The following FGF14 variants were observed in gnomAD, a reference collection of about 807,000 sequenced individuals.
FGF14 encodes fibroblast growth factor homologous factor 4.
Under a neutral mutation model 25.5 loss-of-function variants are expected in FGF14, and 5 were observed. That is an observed-to-expected ratio of 0.20 (90% CI 0.10 to 0.41). The LOEUF is 0.41. FGF14 is among the 10% of genes least tolerant of loss of function. FGF14 has a pLI of 1.00. For missense variants in FGF14, 222 were observed against 320.1 expected, an observed-to-expected ratio of 0.69 and a Z score of 2.34; for synonymous variants, 138 against 118.3, an observed-to-expected ratio of 1.17 and a Z score of -1.08.
rs36108366 is a variant in FGF14, at chr13:102,205,984, T to TAAAAA, written c.208+195482_208+195486dup. Among the ~76,000 whole-genome samples, 29 of 47,462 alleles carry TAAAAA rather than the reference T, an allele frequency of 6.1e-4. 4 individuals carry two copies. The highest frequency in any genetic ancestry group is 8.3e-4 in the Non-Finnish European group (21 of 25,216). 31.1% of individuals were successfully genotyped at this position (47,462 alleles called of 152,430 possible). A position where few individuals can be genotyped will look rare whatever the true frequency, so the allele number is the denominator to read the frequency against. On this transcript the variant is annotated intron_variant, in intron 1 of 4. Transcript: ENST00000376131. ...AGGTAGCTCAAGAAGCTCCCTGTGGTAAAAAAAAAAAAAAAAAAAAAAAAA... is the reference window on the plus strand; with the variant it reads ...AGGTAGCTCAAGAAGCTCCCTGTGGTAAAAAAAAAAAAAAAAAAAAAAAAAAAAAA...
chr13:101,842,441 C>T lies in FGF14; in HGVS notation c.408+26284G>A, dbSNP rs373344545. Among the ~76,000 whole-genome samples, 5 of 152,088 alleles carry T rather than the reference C, an allele frequency of 3.3e-5. No homozygotes were observed. The East Asian group carries it at 5.8e-4, about 18-fold the overall frequency. On this transcript the variant is annotated intron_variant, in intron 3 of 4. Transcript: ENST00000376143. ...ATAAAGATCCTCTTCAACACAGAAG[C>T]CCACAAGGGCAGGAGTGCTTATGGC... is the stretch of plus-strand genomic sequence containing the variant.
chr13:101,753,556 G>A (rs948954572), intron 3 of FGF14, among the ~76,000 whole-genome samples: 3 of 152,118 alleles, frequency 2.0e-5, no homozygotes, highest in African/African-American at 7.2e-5. Flanking sequence ...TGTAATCCCA[G>A]CACTTTGGGA....
chr13:102,230,732 T>A (rs2051045727), intron 1 of FGF14, among the ~76,000 whole-genome samples: 1 of 152,214 alleles, frequency 6.6e-6, no homozygotes, highest in African/African-American at 2.4e-5. Flanking sequence ...CCATCTCAGT[T>A]ATAAGATCGA....
chr13:102,044,007 C>T (rs570245052), intron 1 of FGF14, among the ~76,000 whole-genome samples: 1 of 152,328 alleles, frequency 6.6e-6, no homozygotes, highest in Non-Finnish European at 1.5e-5. Context: ...ATGAGTGGAA[C>T]TGCATAGAAA....
chr13:101,759,483 G>C (rs2037871500), intron 3 of FGF14, among the ~76,000 whole-genome samples: 1 of 152,106 alleles, frequency 6.6e-6, no homozygotes, highest in Non-Finnish European at 1.5e-5. Context: ...TCCCATAGTA[G>C]CTTGGTTGCC....
chr13:102,175,306 T>G (rs973678382), intron 1 of FGF14, among the ~76,000 whole-genome samples: 1 of 152,136 alleles, frequency 6.6e-6, no homozygotes, highest in Non-Finnish European at 1.5e-5. Flanking sequence ...TACAGCCAAC[T>G]GATCTTTGGA....
At position 102,344,563 on chromosome 13, in the gene FGF14, G is replaced by A. The variant is rs565604264; in HGVS notation, c.208+56908C>T. Among the ~76,000 whole-genome samples, 59 of 152,328 alleles carry A rather than the reference G, an allele frequency of 3.9e-4. No homozygotes were observed. The South Asian group carries it at 0.012, about 30-fold the overall frequency. On this transcript the variant is annotated intron_variant, in intron 1 of 4. Coordinates refer to the FGF14 transcript ENST00000376131. The stretch of plus-strand genomic sequence containing the variant: ...TGATTGAGATTTGCTCTCATATCCT[G>A]TTTGATATAAGACAACCTGTCAGTT...
chr13:101,742,291 C>G (rs2036605526), intron 3 of FGF14, among the ~76,000 whole-genome samples: 1 of 152,094 alleles, frequency 6.6e-6, no homozygotes, highest in African/African-American at 2.4e-5. Flanking sequence ...ATGTAACAAA[C>G]CTGCACGTTC....
At chr13:102,321,024 A>G (rs1378086306) in intron 1 of FGF14, among the ~76,000 whole-genome samples, 1 of 152,202 alleles carries the variant, frequency 6.6e-6, no homozygotes, top group Non-Finnish European at 1.5e-5. Context: ...CATACGTAGA[A>G]AAGTTTTGGC....
intron 1 of FGF14, among the ~76,000 whole-genome samples, chr13:102,194,054 G>C (rs2049238570): frequency 6.6e-6 from 1 of 151,898 alleles, no homozygotes; most frequent in Non-Finnish European, 1.5e-5. Context: ...AAAAACATGA[G>C]AATGATATAT....
intron 1 of FGF14, among the ~76,000 whole-genome samples, chr13:102,387,532 T>C (rs1184165000): frequency 6.6e-6 from 1 of 152,184 alleles, no homozygotes; most frequent in Non-Finnish European, 1.5e-5. Context: ...TTTCAGTCCT[T>C]CTTAGTTGCA....
chr13:101,844,434 T>C (rs998508206), intron 3 of FGF14, among the ~76,000 whole-genome samples: 2 of 152,070 alleles, frequency 1.3e-5, no homozygotes, highest in African/African-American at 4.8e-5. Context: ...ATGAAGAACA[T>C]ATATTTAAAG....
At chr13:101,879,033 A>G (rs530222433) in intron 1 of FGF14, among the ~76,000 whole-genome samples, 1 of 152,264 alleles carries the variant, frequency 6.6e-6, no homozygotes, top group South Asian at 2.1e-4. Flanking sequence ...ATAAATATCT[A>G]AAGTCCTACA....
chr13:102,013,405 T>C (rs969744878), intron 1 of FGF14, among the ~76,000 whole-genome samples: 6 of 152,198 alleles, frequency 3.9e-5, no homozygotes, highest in Non-Finnish European at 8.8e-5. Flanking sequence ...ATTGCATGTA[T>C]TACAGTTTTT....
At chr13:101,789,118 C>T (rs74859132) in intron 3 of FGF14, among the ~76,000 whole-genome samples, 1 of 151,636 alleles carries the variant, frequency 6.6e-6, no homozygotes, top group East Asian at 1.9e-4. Flanking sequence ...GATTTTAGAG[C>T]TTCTATTTCT....
chr13:101,946,572 A>G (rs894667883), intron 1 of FGF14, among the ~76,000 whole-genome samples: 3 of 152,158 alleles, frequency 2.0e-5, no homozygotes, highest in Admixed American at 6.5e-5. Context: ...TGGTCTGTCC[A>G]TTTCCCTGTT....
At chr13:101,835,302 T>C (rs2042871292) in intron 3 of FGF14, among the ~76,000 whole-genome samples, 1 of 151,958 alleles carries the variant, frequency 6.6e-6, no homozygotes, top group Non-Finnish European at 1.5e-5. Flanking sequence ...ATTTCCCTTT[T>C]TCAATATCCA....
At chr13:101,939,961 C>A (rs537286929) in intron 1 of FGF14, among the ~76,000 whole-genome samples, 1 of 152,022 alleles carries the variant, frequency 6.6e-6, no homozygotes, top group Non-Finnish European at 1.5e-5. Flanking sequence ...ATTTTGCAGA[C>A]GGATATATTA....
At chr13:102,287,954 T>C (rs1353845652) in intron 1 of FGF14, among the ~76,000 whole-genome samples, 2 of 152,218 alleles carry the variant, frequency 1.3e-5, no homozygotes, top group Non-Finnish European at 2.9e-5. Flanking sequence ...GAGAATCTTT[T>C]GAAGCCACAC....
Sources: allele counts gnomAD v4.1 joint callset (sites outside exome capture counted in the v4.1 genomes callset), GRCh38; gene constraint gnomAD v4.1.1; transcripts MANE v1.5; gene names NCBI Gene and HGNC (gene_info 2026-07-23, HGNC 2026-07-21).